TTC39C: variants seen among roughly 807,000 people sequenced by gnomAD.
The protein encoded by TTC39C is tetratricopeptide repeat protein 39C.
In TTC39C, 33 loss-of-function variants were observed where a neutral mutation model predicts 76.3. The observed-to-expected ratio is 0.43, with a 90% CI of 0.33 to 0.58. TTC39C has a LOEUF of 0.58. Ranked by LOEUF, TTC39C falls within the 20% of genes least tolerant of loss-of-function variation. The probability of loss-of-function intolerance (pLI) is 0.04; values close to 1 mark genes in which losing one functional copy is unlikely to be tolerated. For synonymous variants in TTC39C, 254 were observed against 260.6 expected (o/e 0.97, Z 0.24); for missense variants, 595 against 701.4 (o/e 0.85, Z 1.71).
At chr18:23,995,288 C>G (rs1377719027) in intron 1 of TTC39C, among the ~76,000 whole-genome samples, 1 of 152,034 alleles carries the variant, frequency 6.6e-6, no homozygotes, top group Non-Finnish European at 1.5e-5. Context: ...GCTAGCATGT[C>G]GAAACCCCAT....
At chr18:24,120,370 G>T (rs1235796069) in intron 8 of TTC39C, among the ~76,000 whole-genome samples, 1 of 152,084 alleles carries the variant, frequency 6.6e-6, no homozygotes, top group Non-Finnish European at 1.5e-5. Flanking sequence ...AGTACATGAG[G>T]CAGGGAAGGA....
At chr18:24,019,920 G>A (rs144663868) in intron 1 of TTC39C, 78 of 1,521,742 alleles carry the variant, frequency 5.1e-5, no homozygotes, top group African/African-American at 3.8e-4. Context: ...AAAGGCGCTT[G>A]TAAGAGATGT....
chr18:24,016,158 C>G (rs370593657), intron 1 of TTC39C, among the ~76,000 whole-genome samples: 1 of 152,206 alleles, frequency 6.6e-6, no homozygotes, highest in African/African-American at 2.4e-5. Flanking sequence ...AAGTATCTCA[C>G]AACTGTGAAC....
At position 23,994,699 on chromosome 18, in the gene TTC39C, G is replaced by A. The variant is rs1024086325; in HGVS notation, c.-17+1661G>A. Among the ~76,000 whole-genome samples the A allele has an allele frequency of 3.9e-5, 6 of 152,158 alleles. 1 individual carries two copies. The South Asian group carries it at 8.3e-4, about 21-fold the overall frequency. ...AGCCCCGCAGGGCTGTATCTTGGAC[G>A]GCTGTTGCTACTGAGTGTGATTCTC... On this transcript the variant is annotated intron_variant, in intron 1 of 13. Coordinates refer to the TTC39C transcript ENST00000304621.
chr18:23,997,722 G>GAA (rs1305883486), intron 1 of TTC39C, among the ~76,000 whole-genome samples: 1 of 150,248 alleles, frequency 6.7e-6, no homozygotes, highest in African/African-American at 2.4e-5. Flanking sequence ...AAGAAAGAAA[G>GAA]AAACCAAAAC....
intron 8 of TTC39C, among the ~76,000 whole-genome samples, chr18:24,120,338 G>A (rs1329623163): frequency 6.6e-6 from 1 of 152,168 alleles, no homozygotes; most frequent in Non-Finnish European, 1.5e-5. Flanking sequence ...AACAGAGTGA[G>A]ACTCTGTCTC....
chr18:24,003,254 C>A (rs2083327477), intron 1 of TTC39C, among the ~76,000 whole-genome samples: 2 of 152,204 alleles, frequency 1.3e-5, no homozygotes, highest in African/African-American at 4.8e-5. Context: ...GCTCAGTCAT[C>A]AAACCCCTCA....
intron 1 of TTC39C, among the ~76,000 whole-genome samples, chr18:24,053,203 A>T (rs1162777314): frequency 6.6e-6 from 1 of 152,164 alleles, no homozygotes; most frequent in African/African-American, 2.4e-5. Context: ...ACCATTTCCC[A>T]TTTTATTTTC....
chr18:24,036,389 T>C (rs1189005217), intron 1 of TTC39C, among the ~76,000 whole-genome samples: 1 of 152,246 alleles, frequency 6.6e-6, no homozygotes, highest in Admixed American at 6.5e-5. Flanking sequence ...ATCTTTAATT[T>C]CTTTCAGCAC....
intron 6 of TTC39C, among the ~76,000 whole-genome samples, chr18:24,093,190 A>G (rs927154127): frequency 1.3e-5 from 2 of 152,206 alleles, no homozygotes; most frequent in Admixed American, 1.3e-4. Context: ...ATGTTTTATA[A>G]AAGTATTGGC....
At chr18:24,027,561 T>C in intron 1 of TTC39C, among the ~76,000 whole-genome samples, 1 of 140,648 alleles carries the variant, frequency 7.1e-6, no homozygotes, top group East Asian at 2.0e-4. Context: ...TGAGGTGACT[T>C]TTTTTTTTTT....
At chr18:24,028,911 C>A (rs1197220123) in intron 1 of TTC39C, among the ~76,000 whole-genome samples, 2 of 151,680 alleles carry the variant, frequency 1.3e-5, no homozygotes, top group Non-Finnish European at 2.9e-5. Flanking sequence ...TTAGTAGAGA[C>A]GGGGTTTCAC....
chr18:24,043,836 C>T (rs1348372364), intron 1 of TTC39C, among the ~76,000 whole-genome samples: 1 of 152,226 alleles, frequency 6.6e-6, no homozygotes, highest in African/African-American at 2.4e-5. Context: ...TGGTATTAAG[C>T]TCATTCACAG....
At chr18:24,101,183 A>G (rs957418885) in intron 6 of TTC39C, among the ~76,000 whole-genome samples, 4 of 152,126 alleles carry the variant, frequency 2.6e-5, no homozygotes, top group African/African-American at 9.7e-5. Context: ...ACTTAATTTT[A>G]TACTTGAAAA....
chr18:24,097,775 T>C (rs2084608990), intron 6 of TTC39C, among the ~76,000 whole-genome samples: 1 of 152,234 alleles, frequency 6.6e-6, no homozygotes, highest in South Asian at 2.1e-4. Flanking sequence ...TTCACCATTC[T>C]TTCACCCAAG....
chr18:24,090,635 A>G (rs1482265907), intron 6 of TTC39C, among the ~76,000 whole-genome samples: 1 of 151,968 alleles, frequency 6.6e-6, no homozygotes, highest in Non-Finnish European at 1.5e-5. Flanking sequence ...AGCCAAAATA[A>G]TATTGAGAAA....
At chr18:24,127,467 C>T (rs1222821187) in intron 10 of TTC39C, among the ~76,000 whole-genome samples, 1 of 152,110 alleles carries the variant, frequency 6.6e-6, no homozygotes, top group East Asian at 1.9e-4. Flanking sequence ...CTTTCCCCAC[C>T]CACCTGCCCT....
chr18:24,022,771 C>T, intron 1 of TTC39C: 1 of 985,394 alleles, frequency 1.0e-6, no homozygotes, highest in Non-Finnish European at 1.2e-6. Flanking sequence ...TGTGATGTGG[C>T]CCTGTCTGCT....
At chr18:24,053,660 A>G (rs925761973) in intron 1 of TTC39C, among the ~76,000 whole-genome samples, 1 of 152,250 alleles carries the variant, frequency 6.6e-6, no homozygotes, top group Non-Finnish European at 1.5e-5. Context: ...AGTGTATTCA[A>G]GTTAGAGAAC....
Sources: allele counts gnomAD v4.1 joint callset (sites outside exome capture counted in the v4.1 genomes callset), GRCh38; gene constraint gnomAD v4.1.1; transcripts MANE v1.5; gene names NCBI Gene and HGNC (gene_info 2026-07-23, HGNC 2026-07-21).